The following CSMD3 variants were observed in gnomAD, a reference collection of about 807,000 sequenced individuals.
CSMD3 encodes CUB and sushi domain-containing protein 3.
CSMD3 carries 177 observed loss-of-function variants against 435.2 expected under a neutral mutation model. That is an observed-to-expected ratio of 0.41 (90% CI 0.36 to 0.46). The LOEUF is 0.46. CSMD3 is among the 20% of genes least tolerant of loss of function. The probability of loss-of-function intolerance (pLI) is 0.34; values close to 1 mark genes in which losing one functional copy is unlikely to be tolerated. For missense variants in CSMD3, 4,265 were observed against 4,504.6 expected (o/e 0.95, Z 1.52); for synonymous variants, 1,656 against 1,520.5 (o/e 1.09, Z -2.07).
In CSMD3 at chr8:113,130,974, A is replaced by T. The variant is rs143813191; in HGVS notation, c.710-32011T>A. Among the ~76,000 whole-genome samples, 301 of 152,228 alleles carry T rather than the reference A, an allele frequency of 2.0e-3. 1 individual carries two copies. The highest frequency in any genetic ancestry group is 5.8e-3 in the African/African-American group (242 of 41,544). On this transcript the variant is annotated intron_variant, in intron 4 of 70. Transcript: ENST00000297405. The stretch of plus-strand genomic sequence containing the variant: ...ATCTGTGGAACTTTGAATTTGAGAG[A>T]GATGTTTTAGGGTATCTGGAAGAAG...
At chr8:113,203,639 T>C (rs1405570131) in intron 3 of CSMD3, among the ~76,000 whole-genome samples, 2 of 152,012 alleles carry the variant, frequency 1.3e-5, no homozygotes, top group African/African-American at 4.8e-5. Flanking sequence ...GAAGCGTTTA[T>C]AGTGAAAATT....
intron 5 of CSMD3, among the ~76,000 whole-genome samples, chr8:113,057,102 T>C (rs1265870095): frequency 6.6e-6 from 1 of 152,200 alleles, no homozygotes; most frequent in Non-Finnish European, 1.5e-5. Context: ...TTTTCAGTTA[T>C]CTACTCAAAA....
At chr8:112,890,282 C>T (rs2081744964) in intron 10 of CSMD3, among the ~76,000 whole-genome samples, 1 of 151,582 alleles carries the variant, frequency 6.6e-6, no homozygotes, top group African/African-American at 2.4e-5. Flanking sequence ...ATTGCCAGCA[C>T]TTCTTTTAGA....
At chr8:112,388,935 A>G (rs781504575) in intron 36 of CSMD3, among the ~76,000 whole-genome samples, 3 of 152,146 alleles carry the variant, frequency 2.0e-5, no homozygotes, top group Non-Finnish European at 4.4e-5. Flanking sequence ...CATGTAGTAG[A>G]TATAGAAGTA....
intron 32 of CSMD3, among the ~76,000 whole-genome samples, chr8:112,461,070 T>C (rs1817397581): frequency 6.6e-6 from 1 of 152,120 alleles, no homozygotes; most frequent in Admixed American, 6.6e-5. Flanking sequence ...CTAAAGTAGG[T>C]AATTAAATCA....
At position 112,472,706 on chromosome 8, in the gene CSMD3, C is replaced by A. The variant is rs12155677; in HGVS notation, c.5280G>T (p.Ala1760=). The part of the protein sequence containing the change: ...GWNRALPSCH[A]PCGSRSTGSE... ...AACCTGTTGAACGACTTCCACAGGG[C>A]GCTAGGAAAAAATGGCAAAAATATC... The change falls in exon 32 of 71, where the codon GCG becomes GCT. Residue 1760 remains alanine, a splice_region_variant and synonymous_variant. Coordinates refer to ENST00000297405, the MANE Select transcript of CSMD3 (RefSeq NM_198123.2). 19 of 1,584,188 alleles carry A rather than the reference C, an allele frequency of 1.2e-5. No individual in the cohort carries two copies. The highest frequency in any genetic ancestry group is 6.7e-5 in the East Asian group (3 of 44,674).
At chr8:112,250,903 A>G (rs901527942) in intron 63 of CSMD3, among the ~76,000 whole-genome samples, 5 of 151,824 alleles carry the variant, frequency 3.3e-5, no homozygotes, top group Non-Finnish European at 5.9e-5. Flanking sequence ...AGTAAACATC[A>G]CTTATGTTCT....
chr8:113,182,745 A>G (rs1433542215), intron 3 of CSMD3, among the ~76,000 whole-genome samples: 2 of 151,950 alleles, frequency 1.3e-5, no homozygotes, highest in East Asian at 1.9e-4. Context: ...TCCTTTGTCT[A>G]TAAGGAGAAG....
At chr8:112,448,999 TC>T in intron 32 of CSMD3, among the ~76,000 whole-genome samples, 1 of 152,288 alleles carries the variant, frequency 6.6e-6, no homozygotes, top group Middle Eastern at 3.4e-3. Context: ...TGTTTGCTAC[TC>T]TAGTTCTGAT....
At chr8:113,219,804 T>C (rs1034223823) in intron 3 of CSMD3, among the ~76,000 whole-genome samples, 1 of 151,312 alleles carries the variant, frequency 6.6e-6, no homozygotes, top group Non-Finnish European at 1.5e-5. Flanking sequence ...GACCACATAA[T>C]AACAACAGGA....
chr8:112,973,709 T>C (rs2084744367), intron 7 of CSMD3, among the ~76,000 whole-genome samples: 1 of 151,904 alleles, frequency 6.6e-6, no homozygotes, highest in Non-Finnish European at 1.5e-5. Context: ...AATAGAATAG[T>C]AGGTTTCCCC....
intron 10 of CSMD3, among the ~76,000 whole-genome samples, chr8:112,874,724 C>A (rs188061963): frequency 7.8e-4 from 118 of 152,044 alleles, no homozygotes; most frequent in Non-Finnish European, 1.5e-3. Context: ...GGATTGCAAC[C>A]CCTGCTTTTT....
At chr8:112,935,156 T>C (rs1261770488) in intron 9 of CSMD3, among the ~76,000 whole-genome samples, 2 of 152,234 alleles carry the variant, frequency 1.3e-5, no homozygotes, top group East Asian at 1.9e-4. Flanking sequence ...GAAGAAAGTG[T>C]CCTTTTCTTA....
intron 1 of CSMD3, among the ~76,000 whole-genome samples, chr8:113,352,722 A>G (rs1588577580): frequency 6.6e-6 from 1 of 152,160 alleles, no homozygotes; most frequent in Non-Finnish European, 1.5e-5. Flanking sequence ...AAACAGCTTA[A>G]GTTTGCAAGA....
chr8:113,138,875 G>A (rs2091481576), intron 4 of CSMD3, among the ~76,000 whole-genome samples: 1 of 149,438 alleles, frequency 6.7e-6, no homozygotes, highest in South Asian at 2.1e-4. Flanking sequence ...CTGAATATAT[G>A]TATATATATA....
At chr8:112,372,889 A>C (rs1043134853) in intron 38 of CSMD3, among the ~76,000 whole-genome samples, 2 of 150,728 alleles carry the variant, frequency 1.3e-5, no homozygotes, top group African/African-American at 4.9e-5. Flanking sequence ...AATAAAAATA[A>C]ATCAGCCTAT....
At chr8:112,578,665 T>C (rs1231598080) in intron 23 of CSMD3, among the ~76,000 whole-genome samples, 1 of 152,044 alleles carries the variant, frequency 6.6e-6, no homozygotes, top group African/African-American at 2.4e-5. Flanking sequence ...TAAAATAACA[T>C]TTATTGCAAT....
At chr8:112,639,529 T>C (rs532365776) in intron 20 of CSMD3, among the ~76,000 whole-genome samples, 2 of 152,248 alleles carry the variant, frequency 1.3e-5, no homozygotes, top group Non-Finnish European at 2.9e-5. Flanking sequence ...TCCAAATCAA[T>C]AGCCACAATA....
intron 23 of CSMD3, among the ~76,000 whole-genome samples, chr8:112,585,448 A>G (rs1830652081): frequency 1.3e-5 from 2 of 150,822 alleles, no homozygotes; most frequent in Non-Finnish European, 3.0e-5. Context: ...TCCCTATTAC[A>G]TCCCCTTGTG....
Sources: gnomAD v4.1 joint callset for allele counts (sites outside exome capture counted in the v4.1 genomes callset) on GRCh38, gnomAD v4.1.1 for gene constraint, MANE v1.5 for transcripts, NCBI Gene and HGNC (gene_info 2026-07-23, HGNC 2026-07-21) for gene names.